The following CORIN variants were observed in gnomAD, a reference collection of about 807,000 sequenced individuals.
The protein encoded by CORIN is corin, serine peptidase.
In CORIN, 117 loss-of-function variants were observed where a neutral mutation model predicts 125.3. The observed-to-expected ratio is 0.93, with a 90% CI of 0.80 to 1.09. The LOEUF is 1.09. Among genes scored for constraint, CORIN ranks in the 50% least tolerant of loss-of-function variants. CORIN has a pLI of 0.00. For synonymous variants in CORIN, 450 were observed against 466.4 expected, an observed-to-expected ratio of 0.96 and a Z score of 0.45; for missense variants, 1,253 against 1,306.7, an observed-to-expected ratio of 0.96 and a Z score of 0.63.
chr4:47,742,101 G>C (rs1465748171), intron 5 of CORIN, among the ~76,000 whole-genome samples: 1 of 151,612 alleles, frequency 6.6e-6, no homozygotes, highest in African/African-American at 2.4e-5. Flanking sequence ...AAGGTAACTA[G>C]CATAATATGA....
chr4:47,689,945 A>G (rs1259676046), intron 6 of CORIN, among the ~76,000 whole-genome samples: 1 of 152,226 alleles, frequency 6.6e-6, no homozygotes, highest in Non-Finnish European at 1.5e-5. Flanking sequence ...CTAAAGCCAC[A>G]GAGGTAGACA....
intron 19 of CORIN, among the ~76,000 whole-genome samples, chr4:47,608,268 C>T (rs1721733207): frequency 6.6e-6 from 1 of 152,136 alleles, no homozygotes; most frequent in Admixed American, 6.5e-5. Context: ...CTGCAGTGAG[C>T]TGAGATCGGC....
intron 3 of CORIN, among the ~76,000 whole-genome samples, chr4:47,785,825 T>C (rs2109915165): frequency 6.9e-6 from 1 of 145,312 alleles, no homozygotes; most frequent in East Asian, 2.1e-4. Context: ...GGCAGGAGAA[T>C]CACTTGAACC....
chr4:47,768,382 T>C (rs1729864544), intron 3 of CORIN, among the ~76,000 whole-genome samples: 1 of 152,218 alleles, frequency 6.6e-6, no homozygotes. Flanking sequence ...GTCTTCACTA[T>C]TAATTCCACA....
chr4:47,825,913 G>A (rs952560781), intron 1 of CORIN, among the ~76,000 whole-genome samples: 10 of 151,492 alleles, frequency 6.6e-5, no homozygotes, highest in South Asian at 4.2e-4. Flanking sequence ...CGTGTTGTCC[G>A]GACTGGTCTC....
intron 14 of CORIN, 122 bp from the exon 15 acceptor site, chr4:47,643,378 G>A: frequency 1.2e-6 from 1 of 814,232 alleles, no homozygotes; most frequent in Non-Finnish European, 1.9e-6. Flanking sequence ...GATCACTGAG[G>A]CTTCCAAACG....
chr4:47,718,678 G>GT (rs1727210270), intron 5 of CORIN, among the ~76,000 whole-genome samples: 1 of 152,156 alleles, frequency 6.6e-6, no homozygotes, highest in Admixed American at 6.5e-5. Flanking sequence ...GAATCCCACT[G>GT]TTTTTCAGTT....
At chr4:47,633,039 C>T (rs551234765) in intron 16 of CORIN, among the ~76,000 whole-genome samples, 2 of 152,232 alleles carry the variant, frequency 1.3e-5, no homozygotes, top group South Asian at 2.1e-4. Flanking sequence ...GCCTCAGCCT[C>T]CCAGAGTGCT....
chr4:47,818,426 T>G (rs931158636), intron 1 of CORIN, among the ~76,000 whole-genome samples: 1 of 151,940 alleles, frequency 6.6e-6, no homozygotes, highest in Admixed American at 6.6e-5. Context: ...CCCAAAGAAA[T>G]CAAACAGAGG....
rs199949182 is a variant in CORIN, at chr4:47,623,788, C to G, written c.2366-43G>C. ...ACACAGTTTGTGAGTTGATGCCAAACCTTGCTAAATGCTTAGCTCTTTGCT... is the reference window on the plus strand; with the variant it reads ...ACACAGTTTGTGAGTTGATGCCAAAGCTTGCTAAATGCTTAGCTCTTTGCT... On this transcript the variant is annotated intron_variant, in intron 18 of 21. Transcript: ENST00000273857. The G allele has an allele frequency of 3.7e-6, 6 of 1,600,904 alleles. No homozygotes were observed. In the Admixed American group the frequency reaches 1.0e-4, roughly 28 times the overall value.
Position 47,706,832 on chromosome 4 carries a change from C to T in CORIN, c.800-13749G>A, listed in dbSNP as rs1422484509. The T allele has an allele frequency of 5.6e-6, 9 of 1,598,254 alleles. No individual in the cohort carries two copies. In the East Asian group the frequency reaches 2.0e-4, roughly 36 times the overall value. On this transcript the variant is annotated intron_variant, in intron 5 of 21. Coordinates refer to ENST00000273857, the MANE Select transcript of CORIN (RefSeq NM_006587.4). The stretch of plus-strand genomic sequence containing the variant: ...TCCTGACACCCCATGGATCACCAAA[C>T]CAGTCCACAAGCACAGGGAGATGCG...
At chr4:47,819,214 A>G (rs1200872279) in intron 1 of CORIN, among the ~76,000 whole-genome samples, 2 of 152,182 alleles carry the variant, frequency 1.3e-5, no homozygotes, top group African/African-American at 4.8e-5. Context: ...CCAACTCAGG[A>G]GGATAATGGT....
intron 3 of CORIN, among the ~76,000 whole-genome samples, chr4:47,771,078 C>G (rs568866887): frequency 9.9e-5 from 15 of 152,044 alleles, no homozygotes; most frequent in Non-Finnish European, 2.2e-4. Flanking sequence ...AAAACAGATC[C>G]AAGTGATGTT....
chr4:47,617,150 T>C (rs916220443), intron 19 of CORIN, among the ~76,000 whole-genome samples: 5 of 152,214 alleles, frequency 3.3e-5, no homozygotes, highest in African/African-American at 1.2e-4. Context: ...AGCTGTCAAA[T>C]AGTTGTCTAT....
intron 10 of CORIN, among the ~76,000 whole-genome samples, chr4:47,672,067 TTTAAAGAGC>T (rs1308578582): frequency 6.6e-6 from 1 of 152,190 alleles, no homozygotes; most frequent in Non-Finnish European, 1.5e-5. Context: ...ACTGAGTGTA[TTTAAAGAGC>T]TTAAAGAGAA....
At chr4:47,797,210 T>G (rs1560553506) in intron 2 of CORIN, among the ~76,000 whole-genome samples, 1 of 148,316 alleles carries the variant, frequency 6.7e-6, no homozygotes, top group East Asian at 1.9e-4. Context: ...ATATTTATAA[T>G]ATATAATATA....
At chr4:47,730,515 T>G (rs532948270) in intron 5 of CORIN, among the ~76,000 whole-genome samples, 1 of 148,316 alleles carries the variant, frequency 6.7e-6, no homozygotes, top group East Asian at 2.0e-4. Context: ...CCACTTGGGC[T>G]TCAGGAGCCA....
intron 19 of CORIN, among the ~76,000 whole-genome samples, chr4:47,618,351 G>A (rs1722156183): frequency 6.7e-6 from 1 of 148,426 alleles, no homozygotes; most frequent in Admixed American, 6.7e-5. Flanking sequence ...AAAAGGAAAG[G>A]AAAGGAAAGG....
intron 16 of CORIN, among the ~76,000 whole-genome samples, chr4:47,633,956 A>C (rs963087741): frequency 1.3e-5 from 2 of 152,236 alleles, no homozygotes; most frequent in African/African-American, 4.8e-5. Flanking sequence ...TCAGTATATA[A>C]CTATATGGAT....
Sources: gnomAD v4.1 joint callset for allele counts (sites outside exome capture counted in the v4.1 genomes callset) on GRCh38, gnomAD v4.1.1 for gene constraint, MANE v1.5 for transcripts, NCBI Gene and HGNC (gene_info 2026-07-23, HGNC 2026-07-21) for gene names.